Variants in ANK2 observed in about 807,000 individuals in gnomAD.
ANK2 encodes the protein ankyrin-2.
In ANK2, 83 loss-of-function variants were observed where a neutral mutation model predicts 360.5. That is an observed-to-expected ratio of 0.23 (90% CI 0.19 to 0.28). The LOEUF is 0.28. Ranked by LOEUF, ANK2 falls within the 10% of genes least tolerant of loss-of-function variation. The pLI is 1.00. For synonymous variants in ANK2, 1,740 were observed against 1,759.5 expected, an observed-to-expected ratio of 0.99 and a Z score of 0.28; for missense variants, 4,201 against 4,795.7, an observed-to-expected ratio of 0.88 and a Z score of 3.66.
chr4:113,091,171 A>G (rs1005635283), intron 1 of ANK2, among the ~76,000 whole-genome samples: 1 of 152,208 alleles, frequency 6.6e-6, no homozygotes, highest in African/African-American at 2.4e-5. Flanking sequence ...TTCAGCACAG[A>G]TTGTACCTGC....
At chr4:112,768,843 C>T in the ANK2 span, among the ~76,000 whole-genome samples, 1 of 152,088 alleles carries the variant, frequency 6.6e-6, no homozygotes, top group African/African-American at 2.4e-5. Context: ...AGGTTTGGAC[C>T]TGAGCTAATC....
chr4:112,824,024 TA>T (rs987298199), intron 1 of ANK2, among the ~76,000 whole-genome samples: 8 of 152,188 alleles, frequency 5.3e-5, no homozygotes, highest in Non-Finnish European at 2.9e-5. Flanking sequence ...GATTTTTTTT[TA>T]AGGACAATCT....
intron 2 of ANK2, among the ~76,000 whole-genome samples, chr4:112,981,623 C>T (rs1403769833): frequency 1.3e-5 from 2 of 152,162 alleles, no homozygotes; most frequent in African/African-American, 2.4e-5. Flanking sequence ...GAAGGAGAAA[C>T]TGGCTTGACA....
chr4:112,951,053 G>A (rs2094939185), intron 2 of ANK2, among the ~76,000 whole-genome samples: 1 of 126,682 alleles, frequency 7.9e-6, no homozygotes, highest in Non-Finnish European at 1.6e-5. Flanking sequence ...CTGCACTCCA[G>A]CCTGGGCGAC....
At chr4:113,057,658 T>TA (rs1263211162) in intron 1 of ANK2, among the ~76,000 whole-genome samples, 1 of 152,182 alleles carries the variant, frequency 6.6e-6, no homozygotes, top group East Asian at 1.9e-4. Flanking sequence ...CCCATATCTC[T>TA]GTTTATAGAT....
intron 2 of ANK2, among the ~76,000 whole-genome samples, chr4:112,979,274 A>C (rs2042370435): frequency 6.6e-6 from 1 of 152,156 alleles, no homozygotes; most frequent in African/African-American, 2.4e-5. Context: ...GGCAGCTCCA[A>C]ATGCTGGTAC....
chr4:112,973,068 G>A (rs1405006291), intron 2 of ANK2, among the ~76,000 whole-genome samples: 1 of 151,926 alleles, frequency 6.6e-6, no homozygotes, highest in Non-Finnish European at 1.5e-5. Context: ...ACTGGGAACA[G>A]TGTACACTGC....
chr4:112,741,161 A>G, the ANK2 span, among the ~76,000 whole-genome samples: 2 of 152,120 alleles, frequency 1.3e-5, no homozygotes, highest in Non-Finnish European at 2.9e-5. Context: ...ATATTATCAC[A>G]TATTACAACC....
intron 1 of ANK2, among the ~76,000 whole-genome samples, chr4:113,122,168 A>G (rs1471509017): frequency 6.6e-6 from 1 of 152,146 alleles, no homozygotes; most frequent in Non-Finnish European, 1.5e-5. Flanking sequence ...ATGAGTTGAA[A>G]GTGAAACATA....
chr4:112,939,171 A>G (rs1416162791), intron 2 of ANK2, among the ~76,000 whole-genome samples: 1 of 152,204 alleles, frequency 6.6e-6, no homozygotes. Flanking sequence ...GTTTATGGAA[A>G]TATTTTCATG....
At chr4:113,212,576 T>G (rs1449470939) in intron 4 of ANK2, among the ~76,000 whole-genome samples, 1 of 152,186 alleles carries the variant, frequency 6.6e-6, no homozygotes. Context: ...ATTCTGAAGC[T>G]AGGTGGTCAA....
In ANK2 at chr4:112,920,313, A is replaced by C. The variant is rs1024590066; in HGVS notation, c.21+15799A>C. ...TAAAACATACTGTGTGCTGGCAACA[A>C]CTACTGAGATGGTTTTAGGGAGAGA... On this transcript the variant is annotated intron_variant, in intron 2 of 30. Coordinates refer to the ANK2 transcript ENST00000503271. Among the ~76,000 whole-genome samples, 3 of 152,224 alleles carry C rather than the reference A, an allele frequency of 2.0e-5. No homozygotes were observed. The East Asian group carries it at 5.8e-4, about 29-fold the overall frequency.
intron 2 of ANK2, among the ~76,000 whole-genome samples, chr4:112,939,764 A>G (rs6533660): frequency 0.44 from 66,311 of 152,100 alleles, 18,639 homozygotes; most frequent in African/African-American, 0.78. Flanking sequence ...GGAAGCCACC[A>G]AGGTTATCTT....
At chr4:112,733,404 C>T in the ANK2 span, among the ~76,000 whole-genome samples, 5 of 152,016 alleles carry the variant, frequency 3.3e-5, no homozygotes, top group Admixed American at 6.6e-5. Flanking sequence ...TTTGGAGGTC[C>T]GGTATCTGCT....
At chr4:113,218,840 A>AC in intron 4 of ANK2, among the ~76,000 whole-genome samples, 1 of 151,794 alleles carries the variant, frequency 6.6e-6, no homozygotes, top group Admixed American at 6.6e-5. Flanking sequence ...CTAGAAAGTC[A>AC]TTTTTTATTT....
intron 1 of ANK2, among the ~76,000 whole-genome samples, chr4:113,130,187 A>G (rs2095924922): frequency 6.6e-6 from 1 of 152,202 alleles, no homozygotes; most frequent in African/African-American, 2.4e-5. Context: ...AATAATTTCC[A>G]TAAGCAGCAG....
rs997833950 is a variant in ANK2, at chr4:113,365,081, A to G, written c.10931A>G (p.Asp3644Gly). The G allele has an allele frequency of 1.9e-6, 3 of 1,613,880 alleles. No homozygotes were observed. Among genetic ancestry groups the G allele is most frequent in the Non-Finnish European group, 2.5e-6 (3 of 1,179,924 alleles). The change falls in exon 41 of 46, where the codon GAT becomes GGT. Residue 3644 changes from aspartate to glycine, a missense_variant. Asp to Gly is a moderately conservative substitution (Grantham distance 94, BLOSUM62 -1). Coordinates refer to ENST00000357077, the MANE Select transcript of ANK2 (RefSeq NM_001148.6). ...VECLTKINRM[D>G]IVHLMETNTE... ...TGTCTCACCAAGATCAACCGAATGG[A>G]TATTGTTCATCTCATGGAGACCAAC... is the stretch of plus-strand genomic sequence containing the variant.
At chr4:112,829,959 AAAAAAATAAAAAT>A (rs1454231452) in intron 1 of ANK2, among the ~76,000 whole-genome samples, 2 of 143,848 alleles carry the variant, frequency 1.4e-5, no homozygotes, top group Admixed American at 7.5e-5. Context: ...ACTCCGTCTC[AAAAAAATAAAAAT>A]AAAAAATAAA....
intron 14 of ANK2, 80 bp downstream of exon 14, chr4:113,265,075 C>T: frequency 7.5e-7 from 1 of 1,326,668 alleles, no homozygotes. Flanking sequence ...CCCTTCAGTT[C>T]CTTGATTTGG....
Sources: allele counts gnomAD v4.1 joint callset (sites outside exome capture counted in the v4.1 genomes callset), GRCh38; gene constraint gnomAD v4.1.1; transcripts MANE v1.5; gene names NCBI Gene and HGNC (gene_info 2026-07-23, HGNC 2026-07-21).